The following DGKH variants were observed in gnomAD, a reference collection of about 807,000 sequenced individuals.
DGKH encodes the protein diacylglycerol kinase eta.
In DGKH, 90 loss-of-function variants were observed where a neutral mutation model predicts 159.3. That is an observed-to-expected ratio of 0.57 (90% CI 0.48 to 0.67). The LOEUF (loss-of-function observed/expected upper bound fraction) is 0.67, where lower values mean the gene tolerates loss of function less well. DGKH is among the 30% of genes least tolerant of loss of function. The pLI is 0.00. For missense variants in DGKH, 1,181 were observed against 1,506.1 expected (o/e 0.78, Z 3.57); for synonymous variants, 536 against 553.8 (o/e 0.97, Z 0.45).
At chr13:42,143,648 A>G (rs912812441) in intron 3 of DGKH, among the ~76,000 whole-genome samples, 1 of 152,120 alleles carries the variant, frequency 6.6e-6, no homozygotes, top group Non-Finnish European at 1.5e-5. Context: ...GTGTCGAGGA[A>G]TTTATCCATT....
At position 42,210,588 on chromosome 13, in the gene DGKH, T is replaced by C; in HGVS notation, c.2851-14T>C. 6.2e-7 allele frequency: 1 copy of C among 1,609,316 alleles called. No individual in the cohort carries two copies. Among genetic ancestry groups the C allele is most frequent in the Non-Finnish European group, 8.5e-7 (1 of 1,178,596 alleles). ...TCTAAACTAACAATTCGTTACAATA[T>C]TGACTTTAAATAGGCCTTTGAGAGC... is the stretch of plus-strand genomic sequence containing the variant. On this transcript the variant is annotated splice_polypyrimidine_tract_variant and intron_variant, in intron 23 of 29. Coordinates refer to ENST00000337343, the MANE Select transcript of DGKH (RefSeq NM_178009.5).
intron 1 of DGKH, among the ~76,000 whole-genome samples, chr13:42,101,262 C>G (rs1954647243): frequency 6.6e-6 from 1 of 152,156 alleles, no homozygotes; most frequent in Admixed American, 6.5e-5. Flanking sequence ...TAAAAATAGT[C>G]TTCTAGAACT....
In DGKH at chr13:42,194,993, T is replaced by C; in HGVS notation, c.2144T>C (p.Leu715Pro). 1 of 1,614,000 alleles carries C rather than the reference T, an allele frequency of 6.2e-7. No homozygotes were observed. Among genetic ancestry groups the C allele is most frequent in the Non-Finnish European group, 8.5e-7 (1 of 1,179,908 alleles). ...VAASKENLPV[L>P]NTRIICPGLR... is the part of the protein sequence containing the mutation. ...GCCAGCAAAGAAAACCTCCCTGTGCTCAATACCAGAATAATCTGCCCAGGT... is the reference window on the plus strand; with the variant it reads ...GCCAGCAAAGAAAACCTCCCTGTGCCCAATACCAGAATAATCTGCCCAGGT... Residue 715 changes from leucine to proline, a missense_variant, in exon 17 of 30, where the codon CTC becomes CCC. Physicochemically the swap from Leu to Pro is moderately conservative, Grantham distance 98 (BLOSUM62 -3). Transcript: ENST00000337343.
intron 24 of DGKH, among the ~76,000 whole-genome samples, chr13:42,211,278 G>C (rs955267204): frequency 6.6e-6 from 1 of 152,186 alleles, no homozygotes; most frequent in Non-Finnish European, 1.5e-5. Context: ...GGGCTAATAA[G>C]AGCTGTTTCA....
chr13:42,189,417 T>G (rs921409493), intron 15 of DGKH, 108 bp downstream of exon 15: 5 of 1,432,096 alleles, frequency 3.5e-6, no homozygotes, highest in African/African-American at 2.9e-5. Context: ...AAAATAAAAT[T>G]TTTAAGGCAA....
intron 5 of DGKH, among the ~76,000 whole-genome samples, chr13:42,158,470 G>A (rs371405126): frequency 6.6e-6 from 1 of 152,150 alleles, no homozygotes; most frequent in Admixed American, 6.5e-5. Context: ...ATTTTTGTAA[G>A]TATGGTCAAT....
chr13:42,103,398 T>C (rs557222422), intron 1 of DGKH, among the ~76,000 whole-genome samples: 1 of 152,342 alleles, frequency 6.6e-6, no homozygotes, highest in South Asian at 2.1e-4. Context: ...ACTCTTGTTG[T>C]ATTTTATTTG....
chr13:42,178,297 T>G (rs1339349822), intron 13 of DGKH, 77 bp downstream of exon 13: 2 of 1,134,034 alleles, frequency 1.8e-6, no homozygotes, highest in Admixed American at 4.8e-5. Context: ...GGTCATTTCT[T>G]TGTGAGTTTT....
chr13:42,205,276 T>A (rs1957436467), intron 20 of DGKH, among the ~76,000 whole-genome samples: 1 of 152,206 alleles, frequency 6.6e-6, no homozygotes, highest in African/African-American at 2.4e-5. Flanking sequence ...GAGTAATTTT[T>A]AAAAAATTAG....
At chr13:42,111,436 C>T (rs896618962) in intron 1 of DGKH, among the ~76,000 whole-genome samples, 1 of 152,044 alleles carries the variant, frequency 6.6e-6, no homozygotes, top group Non-Finnish European at 1.5e-5. Flanking sequence ...AAAAATTAGC[C>T]GGGCGTGGTG....
intron 1 of DGKH, among the ~76,000 whole-genome samples, chr13:42,112,306 T>C (rs1420762470): frequency 7.9e-6 from 1 of 126,540 alleles, no homozygotes; most frequent in Non-Finnish European, 1.7e-5. Context: ...TTTTTTGACT[T>C]AGTCTCGTTC....
intron 24 of DGKH, among the ~76,000 whole-genome samples, chr13:42,214,090 T>C (rs1007991803): frequency 6.6e-6 from 1 of 152,216 alleles, no homozygotes; most frequent in Non-Finnish European, 1.5e-5. Context: ...ATGATCACTT[T>C]GTGTATTGAT....
At chr13:42,121,827 A>G (rs1176982172) in intron 1 of DGKH, among the ~76,000 whole-genome samples, 1 of 152,190 alleles carries the variant, frequency 6.6e-6, no homozygotes, top group African/African-American at 2.4e-5. Flanking sequence ...GGTTCCTGGG[A>G]CACAGAGAGT....
chr13:42,076,845 T>C (rs1954109887), intron 1 of DGKH, among the ~76,000 whole-genome samples: 1 of 152,204 alleles, frequency 6.6e-6, no homozygotes, highest in South Asian at 2.1e-4. Context: ...TGACTTGTTA[T>C]AGCTCCAATT....
chr13:42,047,563 C>T (rs896531598), upstream of DGKH, among the ~76,000 whole-genome samples: 19 of 152,170 alleles, frequency 1.2e-4, no homozygotes, highest in African/African-American at 3.9e-4. Context: ...TGTCTTCTCT[C>T]GCAGCCCCCT....
intron 11 of DGKH, among the ~76,000 whole-genome samples, chr13:42,170,772 G>A (rs766178352): frequency 2.0e-5 from 3 of 151,978 alleles, no homozygotes; most frequent in African/African-American, 7.3e-5. Context: ...GTGAAACCCC[G>A]TCTCTACTAA....
In DGKH at chr13:42,127,545, G is replaced by A. The variant is rs150403121; in HGVS notation, c.275G>A (p.Arg92His). ...WKKRYFKLRG[R>H]TLYYAKDSKS... The stretch of plus-strand genomic sequence containing the variant: ...AAGCGATACTTCAAACTTCGAGGCC[G>A]CACCCTTTACTATGCAAAGGACTCA... The change falls in exon 2 of 30, where the codon CGC becomes CAC. Residue 92 changes from arginine (R) to histidine (H), a missense_variant. By Grantham distance (29) the Arg-to-His change is conservative. Around this residue, in one of 5 missense-constraint regions of DGKH, gnomAD observed 136 missense variants for 132.2 expected, o/e 1.03. Transcript: ENST00000337343. The A allele has an allele frequency of 8.2e-5, 132 of 1,613,464 alleles. No individual in the cohort carries two copies. Among genetic ancestry groups the A allele is most frequent in the Non-Finnish European group, 1.1e-4 (128 of 1,179,620 alleles).
chr13:42,081,388 C>G (rs1954198047), intron 1 of DGKH, among the ~76,000 whole-genome samples: 1 of 152,158 alleles, frequency 6.6e-6, no homozygotes. Context: ...CACCACCACG[C>G]CTGGCTAACT....
At chr13:42,106,425 G>A (rs565447453) in intron 1 of DGKH, among the ~76,000 whole-genome samples, 1 of 152,310 alleles carries the variant, frequency 6.6e-6, no homozygotes, top group Admixed American at 6.5e-5. Flanking sequence ...CTCAGCAGAG[G>A]ACGACTGCAC....
Sources: allele counts gnomAD v4.1 joint callset (sites outside exome capture counted in the v4.1 genomes callset), GRCh38; gene constraint gnomAD v4.1.1; regional missense constraint gnomAD v4.1.1; transcripts MANE v1.5; gene names NCBI Gene and HGNC (gene_info 2026-07-23, HGNC 2026-07-21).